The following RAB3GAP2 variants were observed in gnomAD, a reference collection of about 807,000 sequenced individuals.
The protein encoded by RAB3GAP2 is RAB3 GTPase activating non-catalytic protein subunit 2.
RAB3GAP2 carries 87 observed loss-of-function variants against 185.3 expected under a neutral mutation model. The observed-to-expected ratio is 0.47, with a 90% CI of 0.39 to 0.56. The LOEUF (loss-of-function observed/expected upper bound fraction) is 0.56, where lower values mean the gene tolerates loss of function less well. Ranked by LOEUF, RAB3GAP2 falls within the 20% of genes least tolerant of loss-of-function variation. RAB3GAP2 has a pLI of 0.00. For missense variants in RAB3GAP2, 1,492 were observed against 1,638.2 expected (o/e 0.91, Z 1.54); for synonymous variants, 554 against 576.1 (o/e 0.96, Z 0.55).
At chr1:220,206,704 A>G (rs1658975188) in intron 7 of RAB3GAP2, among the ~76,000 whole-genome samples, 1 of 152,186 alleles carries the variant, frequency 6.6e-6, no homozygotes, top group South Asian at 2.1e-4. Flanking sequence ...ACCTGAACTC[A>G]TTAACCATGG....
At chr1:220,245,158 G>C (rs566155739) in intron 1 of RAB3GAP2, among the ~76,000 whole-genome samples, 2 of 151,442 alleles carry the variant, frequency 1.3e-5, no homozygotes, top group Non-Finnish European at 2.9e-5. Context: ...TGGGCAAAGA[G>C]GAGGAGCCAA....
chr1:220,201,633 G>A (rs956252459), intron 9 of RAB3GAP2, among the ~76,000 whole-genome samples: 1 of 152,004 alleles, frequency 6.6e-6, no homozygotes, highest in African/African-American at 2.4e-5. Context: ...CTAAGTAGCT[G>A]GGAATACAGG....
At chr1:220,238,962 C>T (rs1425908862) in intron 1 of RAB3GAP2, among the ~76,000 whole-genome samples, 2 of 152,158 alleles carry the variant, frequency 1.3e-5, no homozygotes, top group Non-Finnish European at 2.9e-5. Context: ...CATACACATA[C>T]ATAAAAGTAT....
intron 1 of RAB3GAP2, chr1:220,254,596 G>C (rs1216237389): frequency 7.4e-7 from 1 of 1,355,824 alleles, no homozygotes; most frequent in Non-Finnish European, 1.1e-6. Context: ...TTTGTTCTTA[G>C]TCTATCTCTT....
At chr1:220,234,683 A>G (rs1659560694) in intron 1 of RAB3GAP2, among the ~76,000 whole-genome samples, 1 of 152,244 alleles carries the variant, frequency 6.6e-6, no homozygotes, top group Non-Finnish European at 1.5e-5. Context: ...GATCTACTGT[A>G]GAAGGCAGAC....
intron 24 of RAB3GAP2, 127 bp downstream of exon 24, chr1:220,170,765 A>G (rs145324215): frequency 1.2e-6 from 1 of 822,582 alleles, no homozygotes; most frequent in East Asian, 2.7e-5. Flanking sequence ...GGTAGTATAT[A>G]GAAGGTTATT....
chr1:220,234,982 A>G (rs751135116), intron 1 of RAB3GAP2, among the ~76,000 whole-genome samples: 4 of 152,200 alleles, frequency 2.6e-5, no homozygotes, highest in Non-Finnish European at 5.9e-5. Context: ...CTATTTTACA[A>G]TGAGAAAACA....
In RAB3GAP2 at chr1:220,167,587, T is replaced by C. The variant is rs377347756; in HGVS notation, c.2895A>G (p.Ala965=). Residue 965 remains alanine (A), a synonymous_variant, in exon 25 of 35, where the codon GCA becomes GCG. Coordinates refer to ENST00000358951, the MANE Select transcript of RAB3GAP2 (RefSeq NM_012414.4). ...VLKLANEERD[A]ENPDEPKEGV... ...CTTCTTTGGGTTCATCTGGGTTTTC[T>C]GCATCTCTTTCTTCATTAGCCAGTT... 3 of 1,614,224 alleles carry C rather than the reference T, an allele frequency of 1.9e-6. No homozygotes were observed. The highest frequency in any genetic ancestry group is 2.5e-6 in the Non-Finnish European group (3 of 1,180,018).
intron 2 of RAB3GAP2, among the ~76,000 whole-genome samples, chr1:220,215,252 G>A (rs1422623227): frequency 1.3e-5 from 2 of 152,126 alleles, no homozygotes; most frequent in South Asian, 4.1e-4. Flanking sequence ...CTGGGTCAAA[G>A]GGAATGTGTA....
chr1:220,182,784 A>G lies in RAB3GAP2; in HGVS notation c.2146T>C (p.Tyr716His). The change falls in exon 20 of 35, where the codon TAT (tyrosine) becomes CAT (histidine). Residue 716 changes from tyrosine (Y) to histidine (H), a missense_variant. Coordinates refer to ENST00000358951, the MANE Select transcript of RAB3GAP2 (RefSeq NM_012414.4). ...GVLPVKTFLE[Y>H]LEYEKDVLNI... ...AGCACATCCTTTTCATATTCTAAAT[A>G]TTCCAAGAATGTTTTTACAGGCAAC... 6.2e-7 allele frequency: 1 copy of G among 1,613,070 alleles called. No individual in the cohort carries two copies. Among genetic ancestry groups the G allele is most frequent in the Non-Finnish European group, 8.5e-7 (1 of 1,179,762 alleles).
intron 1 of RAB3GAP2, chr1:220,254,321 A>T: frequency 6.2e-7 from 1 of 1,613,474 alleles, no homozygotes; most frequent in Non-Finnish European, 8.5e-7. Context: ...GATCATCCCG[A>T]TGCACCCATG....
intron 9 of RAB3GAP2, chr1:220,200,720 A>G (rs1208374441): frequency 4.1e-6 from 2 of 487,500 alleles, no homozygotes; most frequent in Non-Finnish European, 8.5e-6. Context: ...ACACACTGAA[A>G]TGTTTACCAA....
Position 220,190,112 on chromosome 1 carries a change from G to C in RAB3GAP2, c.1666C>G (p.Leu556Val). 6.2e-7 allele frequency: 1 copy of C among 1,613,470 alleles called. No homozygotes were observed. Among genetic ancestry groups the C allele is most frequent in the Non-Finnish European group, 8.5e-7 (1 of 1,179,562 alleles). ...KKSERAKDMHLVKKLAALLKT... is the reference protein window; with the variant it reads ...KKSERAKDMHVVKKLAALLKT... The stretch of plus-strand genomic sequence containing the variant: ...AGTAAGGCTGCTAGTTTCTTCACTA[G>C]GTGCATATCCTTGGCTCGTTCACTC... The change falls in exon 16 of 35, where the codon CTA (leucine) becomes GTA (valine). Residue 556 changes from leucine to valine, a missense_variant. Around this residue, in one of 5 missense-constraint regions of RAB3GAP2, gnomAD observed 681 missense variants for 689.1 expected, o/e 0.99. Coordinates refer to ENST00000358951, the MANE Select transcript of RAB3GAP2 (RefSeq NM_012414.4).
chr1:220,164,610 T>C, intron 27 of RAB3GAP2, 123 bp downstream of exon 27: 2 of 1,386,714 alleles, frequency 1.4e-6, no homozygotes, highest in Non-Finnish European at 2.0e-6. Context: ...CACAGTAATA[T>C]GTTAGGCTGC....
chr1:220,153,297 C>T lies in RAB3GAP2; in HGVS notation c.3755G>A (p.Trp1252Ter). The stretch of plus-strand genomic sequence containing the variant: ...GGCTAAATCCACAGCTAGAGCTGGC[C>T]AATCTTGGTCTTTCCCAAAAGGAGT... ...TPTPFGKDQD[W>*]PALAVDLAHH... The change falls in exon 33 of 35, where the codon TGG becomes TAG. Residue 1252 changes from tryptophan (W) to a stop codon, truncating the protein, a stop_gained. Transcript: ENST00000358951. LOFTEE classifies it high-confidence loss of function. 1 of 1,614,180 alleles carries T rather than the reference C, an allele frequency of 6.2e-7. No individual in the cohort carries two copies. The highest frequency in any genetic ancestry group is 8.5e-7 in the Non-Finnish European group (1 of 1,180,006).
chr1:220,234,692 A>G (rs1300468693), intron 1 of RAB3GAP2, among the ~76,000 whole-genome samples: 2 of 152,342 alleles, frequency 1.3e-5, no homozygotes, highest in South Asian at 4.1e-4. Flanking sequence ...TAGAAGGCAG[A>G]CAAACATGGA....
rs11343960 is a variant in RAB3GAP2 at position 220,182,091 on chromosome 1, CT to C, written c.2310+165del. On this transcript the variant is annotated intron_variant, in intron 21 of 34. Coordinates refer to ENST00000358951, the MANE Select transcript of RAB3GAP2 (RefSeq NM_012414.4). ...GGTATAAGAAAAATAAATAATATTA[CT>C]TCTATTAAATATGGTGATTAAAATT... 0.48 allele frequency among the ~76,000 whole-genome samples: 72,728 copies of C among 151,242 alleles called. 19,065 individuals carry two copies. Among genetic ancestry groups the C allele is most frequent in the East Asian group, 0.71 (3,651 of 5,144 alleles).
chr1:220,205,958 C>T lies in RAB3GAP2; in HGVS notation c.661G>A (p.Gly221Arg), dbSNP rs1305324295. ...LYPAAIVTID[G>R]FSLFQSLRAC... ...CGAAGAGATTGAAAAAGGCTAAATCCATCAATAGTCACAATGGCAGCTGGA... is the reference window on the plus strand; with the variant it reads ...CGAAGAGATTGAAAAAGGCTAAATCTATCAATAGTCACAATGGCAGCTGGA... The change falls in exon 8 of 35, where the codon GGA becomes AGA. Residue 221 changes from glycine (G) to arginine (R), a missense_variant. Transcript: ENST00000358951. 6.2e-7 allele frequency: 1 copy of T among 1,611,500 alleles called. No individual in the cohort carries two copies. The highest frequency in any genetic ancestry group is 1.3e-5 in the African/African-American group (1 of 74,792).
intron 8 of RAB3GAP2, 65 bp downstream of exon 8, chr1:220,205,842 T>C: frequency 2.5e-6 from 3 of 1,182,564 alleles, no homozygotes; most frequent in Non-Finnish European, 3.7e-6. Flanking sequence ...CTTAATTCCA[T>C]AAGCAGGTGA....
Sources: allele counts gnomAD v4.1 joint callset (sites outside exome capture counted in the v4.1 genomes callset), GRCh38; gene constraint gnomAD v4.1.1; regional missense constraint gnomAD v4.1.1; transcripts MANE v1.5; gene names NCBI Gene and HGNC (gene_info 2026-07-23, HGNC 2026-07-21).